Variants in CSMD1 observed in about 807,000 individuals in gnomAD.
CSMD1 encodes CUB and Sushi multiple domains 1.
In CSMD1, 213 loss-of-function variants were observed where a neutral mutation model predicts 417.5. The observed-to-expected ratio is 0.51, with a 90% CI of 0.46 to 0.57. The LOEUF is 0.57. CSMD1 is among the 20% of genes least tolerant of loss of function. The probability of loss-of-function intolerance (pLI) is 0.00; values close to 1 mark genes in which losing one functional copy is unlikely to be tolerated. For synonymous variants in CSMD1, 2,862 were observed against 1,736.8 expected (o/e 1.65, Z -16.11); for missense variants, 6,923 against 4,529.7 (o/e 1.53, Z -15.17).
At position 3,772,227 on chromosome 8, in the gene CSMD1, A is replaced by G. The variant is rs555281210; in HGVS notation, c.819-18185T>C. 9.6e-4 allele frequency among the ~76,000 whole-genome samples: 140 copies of G among 145,516 alleles called. 6 individuals carry two copies. Among genetic ancestry groups the G allele is most frequent in the African/African-American group, 3.5e-3 (138 of 39,826 alleles). On this transcript the variant is annotated intron_variant, in intron 5 of 69. Coordinates refer to ENST00000635120, the MANE Select transcript of CSMD1 (RefSeq NM_033225.6). ...ACACACACACACACATATAATACAC[A>G]CACATATTTATATATAGATATATAC...
In CSMD1 at chr8:4,945,375, C is replaced by G. The variant is rs144185965; in HGVS notation, c.85+48957G>C. Among the ~76,000 whole-genome samples, 401 of 151,986 alleles carry G rather than the reference C, an allele frequency of 2.6e-3. 1 individual carries two copies. Among genetic ancestry groups the G allele is most frequent in the Non-Finnish European group, 4.3e-3 (293 of 67,976 alleles). ...ATACATAACACTTCTGAACTGCCTG[C>G]CGAAAAATAGTTCAGATAGTAAATT... is the stretch of plus-strand genomic sequence containing the variant. On this transcript the variant is annotated intron_variant, in intron 1 of 69. Coordinates refer to ENST00000635120, the MANE Select transcript of CSMD1 (RefSeq NM_033225.6).
intron 10 of CSMD1, among the ~76,000 whole-genome samples, chr8:3,564,218 T>G (rs539604696): frequency 6.6e-6 from 1 of 152,206 alleles, no homozygotes; most frequent in Non-Finnish European, 1.5e-5. Flanking sequence ...ATTTTCCTAC[T>G]CTACTATTGA....
intron 11 of CSMD1, among the ~76,000 whole-genome samples, chr8:3,483,247 A>C (rs1817843754): frequency 6.6e-6 from 1 of 152,098 alleles, no homozygotes; most frequent in African/African-American, 2.4e-5. Flanking sequence ...AAAAAGAGAA[A>C]GGGAGAGAGA....
chr8:4,342,540 A>G (rs1056902295), intron 3 of CSMD1, among the ~76,000 whole-genome samples: 3 of 152,032 alleles, frequency 2.0e-5, no homozygotes, highest in Admixed American at 2.0e-4. Context: ...CTGATGTATG[A>G]CATTTGCCCA....
chr8:3,805,755 T>C (rs927284621), intron 5 of CSMD1, among the ~76,000 whole-genome samples: 22 of 152,296 alleles, frequency 1.4e-4, no homozygotes, highest in African/African-American at 5.3e-4. Context: ...TGATACTCTT[T>C]GAGTCCGTCC....
At chr8:3,016,745 C>A (rs1267247753) in intron 52 of CSMD1, among the ~76,000 whole-genome samples, 1 of 152,098 alleles carries the variant, frequency 6.6e-6, no homozygotes, top group Non-Finnish European at 1.5e-5. Context: ...ATAACCTGGG[C>A]ATTTTTCTTC....
At chr8:3,945,174 AAG>A (rs1212515023) in intron 5 of CSMD1, among the ~76,000 whole-genome samples, 8 of 87,142 alleles carry the variant, frequency 9.2e-5, no homozygotes, top group Non-Finnish European at 2.0e-4. Flanking sequence ...GACCATGAGA[AAG>A]ACAAAAAAAA....
chr8:3,701,453 C>G (rs1472743755), intron 7 of CSMD1, among the ~76,000 whole-genome samples: 2 of 151,770 alleles, frequency 1.3e-5, no homozygotes, highest in African/African-American at 2.4e-5. Flanking sequence ...GGTTATGGTG[C>G]TAAACTCAGA....
chr8:3,147,554 G>C (rs1818917653), intron 40 of CSMD1, among the ~76,000 whole-genome samples: 1 of 152,166 alleles, frequency 6.6e-6, no homozygotes, highest in African/African-American at 2.4e-5. Context: ...TTAGGAAAGA[G>C]ACCACGGGAA....
At chr8:3,815,715 T>C (rs1801332972) in intron 5 of CSMD1, among the ~76,000 whole-genome samples, 1 of 152,114 alleles carries the variant, frequency 6.6e-6, no homozygotes, top group Non-Finnish European at 1.5e-5. Context: ...CTCTGAATTC[T>C]TTGGACTTGG....
rs185256652 is a variant in CSMD1 at position 3,534,151 on chromosome 8, T to C, written c.1345-40425A>G. ...CTCATATGCACTGTGAAATAACAAA[T>C]ACCCTTGAAGTAATTCCATCTCTTG... On this transcript the variant is annotated intron_variant, in intron 10 of 69. Transcript: ENST00000635120. Among the ~76,000 whole-genome samples the C allele has an allele frequency of 9.8e-5, 15 of 152,304 alleles. No homozygotes were observed. The East Asian group carries it at 2.1e-3, about 22-fold the overall frequency.
intron 10 of CSMD1, among the ~76,000 whole-genome samples, chr8:3,539,063 C>T (rs988574340): frequency 1.3e-5 from 2 of 152,226 alleles, no homozygotes; most frequent in Non-Finnish European, 2.9e-5. Flanking sequence ...TCTCCTCCAT[C>T]ACTGAGCCAC....
chr8:4,546,175 T>C (rs1347846776), intron 2 of CSMD1, among the ~76,000 whole-genome samples: 1 of 152,206 alleles, frequency 6.6e-6, no homozygotes, highest in Non-Finnish European at 1.5e-5. Context: ...TTCAGTTTAT[T>C]ATGTCCTTGT....
At chr8:4,797,534 C>T (rs1238008126) in intron 1 of CSMD1, among the ~76,000 whole-genome samples, 2 of 152,130 alleles carry the variant, frequency 1.3e-5, no homozygotes, top group African/African-American at 4.8e-5. Context: ...ATTCCTTTTG[C>T]ACCAACCTGA....
chr8:3,124,484 G>A (rs1406909018), intron 41 of CSMD1, among the ~76,000 whole-genome samples: 1 of 152,186 alleles, frequency 6.6e-6, no homozygotes, highest in African/African-American at 2.4e-5. Context: ...GTGCAGATCA[G>A]GAAAAGACCA....
chr8:4,046,811 T>C (rs867060716), intron 3 of CSMD1, among the ~76,000 whole-genome samples: 3 of 152,326 alleles, frequency 2.0e-5, no homozygotes, highest in Middle Eastern at 3.4e-3. Flanking sequence ...CTAACAATTA[T>C]TGAACTCTAA....
At chr8:3,224,045 T>C (rs1475625386) in intron 27 of CSMD1, among the ~76,000 whole-genome samples, 178 bp from the exon 28 acceptor site, 1 of 152,238 alleles carries the variant, frequency 6.6e-6, no homozygotes, top group Non-Finnish European at 1.5e-5. Flanking sequence ...CCAGGAACTC[T>C]GTACATTTTT....
At chr8:4,402,100 C>A (rs796197764) in intron 3 of CSMD1, among the ~76,000 whole-genome samples, 15 of 152,220 alleles carry the variant, frequency 9.9e-5, no homozygotes, top group African/African-American at 3.6e-4. Context: ...TCCTCCCCTT[C>A]CGATGAACTT....
chr8:3,285,016 C>G (rs1207763142), intron 25 of CSMD1, among the ~76,000 whole-genome samples: 2 of 152,168 alleles, frequency 1.3e-5, no homozygotes, highest in South Asian at 4.1e-4. Context: ...TAAGGACTCA[C>G]ATTCAGAGGC....
Sources: gnomAD v4.1 joint callset for allele counts (sites outside exome capture counted in the v4.1 genomes callset) on GRCh38, gnomAD v4.1.1 for gene constraint, MANE v1.5 for transcripts, NCBI Gene and HGNC (gene_info 2026-07-23, HGNC 2026-07-21) for gene names.